The following OCA2 variants were observed in gnomAD, a reference collection of about 807,000 sequenced individuals.
OCA2 encodes OCA2 melanosomal transmembrane protein, also known as P protein.
OCA2 carries 77 observed loss-of-function variants against 100.2 expected under a neutral mutation model. The ratio of observed to expected loss-of-function variants is 0.77; its 90% confidence interval spans 0.64 to 0.93. OCA2 has a LOEUF of 0.93. OCA2 is among the 40% of genes least tolerant of loss of function. The probability of loss-of-function intolerance (pLI) is 0.00; values close to 1 mark genes in which losing one functional copy is unlikely to be tolerated. For synonymous variants in OCA2, 432 were observed against 439.2 expected, an observed-to-expected ratio of 0.98 and a Z score of 0.21; for missense variants, 1,062 against 1,089.1, an observed-to-expected ratio of 0.98 and a Z score of 0.35.
At chr15:27,932,678 G>A (rs371454575) in intron 18 of OCA2, among the ~76,000 whole-genome samples, 8 of 152,292 alleles carry the variant, frequency 5.3e-5, no homozygotes, top group African/African-American at 1.9e-4. Flanking sequence ...AGGTATTTTT[G>A]TTGTGGTGGT....
chr15:27,800,328 A>T (rs2033542168), intron 23 of OCA2, among the ~76,000 whole-genome samples: 1 of 152,198 alleles, frequency 6.6e-6, no homozygotes, highest in Admixed American at 6.5e-5. Context: ...AGTAAGCAGA[A>T]AAAAGAAAAT....
intron 6 of OCA2, among the ~76,000 whole-genome samples, chr15:28,019,813 G>A (rs2042533565): frequency 6.6e-6 from 1 of 152,158 alleles, no homozygotes; most frequent in African/African-American, 2.4e-5. Flanking sequence ...CTTGTGGGGG[G>A]CAGGGTCCAG....
intron 2 of OCA2, among the ~76,000 whole-genome samples, chr15:28,074,568 G>A (rs1047635545): frequency 1.3e-4 from 20 of 152,184 alleles, no homozygotes; most frequent in African/African-American, 4.8e-4. Flanking sequence ...CATCTAATCG[G>A]GAGGCTGAGG....
In OCA2 at chr15:27,944,788, G is replaced by C. The variant is rs994298529; in HGVS notation, c.1951+6996C>G. On this transcript the variant is annotated intron_variant, in intron 18 of 23. Transcript: ENST00000354638. ...GAAAAGCCCTAGCCTCCAAATCAGA[G>C]AGGCAGATTTCAGTAATAATACAAC... 2.0e-5 allele frequency among the ~76,000 whole-genome samples: 3 copies of C among 152,142 alleles called. No individual in the cohort carries two copies. The East Asian group carries it at 5.8e-4, about 29-fold the overall frequency.
intron 19 of OCA2, among the ~76,000 whole-genome samples, chr15:27,911,441 T>G (rs965902065): frequency 1.3e-5 from 2 of 151,788 alleles, no homozygotes; most frequent in African/African-American, 4.8e-5. Flanking sequence ...AAAGAGAAAA[T>G]AAAAGAGGTT....
intron 21 of OCA2, among the ~76,000 whole-genome samples, chr15:27,851,876 T>C (rs1301158458): frequency 6.6e-6 from 1 of 152,154 alleles, no homozygotes; most frequent in African/African-American, 2.4e-5. Flanking sequence ...CTCCTTCCTT[T>C]GACAGATGAG....
At chr15:27,730,319 C>A in the OCA2 span, among the ~76,000 whole-genome samples, 1 of 152,256 alleles carries the variant, frequency 6.6e-6, no homozygotes, top group South Asian at 2.1e-4. Flanking sequence ...CCGAGCTTCC[C>A]TGGCCTCTGC....
intron 21 of OCA2, among the ~76,000 whole-genome samples, chr15:27,851,798 C>A (rs1015643542): frequency 1.3e-5 from 2 of 152,122 alleles, no homozygotes; most frequent in African/African-American, 4.8e-5. Flanking sequence ...GCTCATAGAA[C>A]CCTGGAGTGC....
intron 2 of OCA2, among the ~76,000 whole-genome samples, chr15:28,061,793 T>C (rs1376220882): frequency 6.6e-6 from 1 of 152,254 alleles, no homozygotes; most frequent in Non-Finnish European, 1.5e-5. Flanking sequence ...AGACATCTAA[T>C]CTGACATTTC....
chr15:27,910,494 T>TA (rs1202825751), intron 19 of OCA2, among the ~76,000 whole-genome samples: 1 of 152,060 alleles, frequency 6.6e-6, no homozygotes, highest in Non-Finnish European at 1.5e-5. Context: ...TATATAGTTA[T>TA]AAAAAAGAAT....
intron 16 of OCA2, among the ~76,000 whole-genome samples, chr15:27,956,486 C>G (rs1216922654): frequency 6.6e-6 from 1 of 152,234 alleles, no homozygotes; most frequent in Non-Finnish European, 1.5e-5. Flanking sequence ...ACCAGAGGAG[C>G]TGATGGGAAC....
At chr15:28,082,028 A>G (rs1399863403) in intron 1 of OCA2, 133 bp from the exon 2 acceptor site, 11 of 736,206 alleles carry the variant, frequency 1.5e-5, no homozygotes, top group Middle Eastern at 3.7e-4. Flanking sequence ...TAACCACGCA[A>G]GAGCATTTCA....
intron 19 of OCA2, among the ~76,000 whole-genome samples, chr15:27,891,995 T>C (rs1329953552): frequency 2.0e-5 from 3 of 152,002 alleles, no homozygotes; most frequent in Admixed American, 6.6e-5. Context: ...TAATGATAAA[T>C]AGGTCAATCC....
At chr15:27,738,421 G>A in the OCA2 span, among the ~76,000 whole-genome samples, 2 of 152,148 alleles carry the variant, frequency 1.3e-5, no homozygotes, top group African/African-American at 4.8e-5. Context: ...AAAATCACAC[G>A]ATGCGCTTCC....
chr15:27,731,627 TTCATTCTTCACTC>T, the OCA2 span, among the ~76,000 whole-genome samples: 1 of 152,218 alleles, frequency 6.6e-6, no homozygotes, highest in African/African-American at 2.4e-5. Context: ...ACATTATACT[TTCATTCTTCACTC>T]TCTTGTACCT....
At chr15:27,980,281 C>A (rs2041115785) in intron 14 of OCA2, among the ~76,000 whole-genome samples, 1 of 151,966 alleles carries the variant, frequency 6.6e-6, no homozygotes, top group South Asian at 2.1e-4. Flanking sequence ...GCACCCAATA[C>A]CACGCCTGGC....
rs58169843 is a variant in OCA2, at chr15:27,774,239, C to T, written c.2433-18767G>A. Among the ~76,000 whole-genome samples the T allele has an allele frequency of 9.8e-3, 1,488 of 152,290 alleles. 20 individuals carry two copies. Among genetic ancestry groups the T allele is most frequent in the African/African-American group, 0.034 (1,406 of 41,566 alleles). ...CCCACTGTGGGGGGCCAGTGAAGGC[C>T]CCATCGAGTGCATTCCAGATGATGT... On this transcript the variant is annotated intron_variant, in intron 23 of 23. Transcript: ENST00000354638.
intron 2 of OCA2, among the ~76,000 whole-genome samples, chr15:28,042,463 CT>C (rs2043231855): frequency 8.3e-6 from 1 of 119,930 alleles, no homozygotes; most frequent in Admixed American, 9.2e-5. Flanking sequence ...CCTATCTCTA[CT>C]AAAAATACAA....
chr15:28,049,573 A>G (rs2043446549), intron 2 of OCA2, among the ~76,000 whole-genome samples: 1 of 152,228 alleles, frequency 6.6e-6, no homozygotes, highest in African/African-American at 2.4e-5. Context: ...ACCCATGTCT[A>G]TCAATAAAAG....
Sources: gnomAD v4.1 joint callset for allele counts (sites outside exome capture counted in the v4.1 genomes callset) on GRCh38, gnomAD v4.1.1 for gene constraint, MANE v1.5 for transcripts, NCBI Gene and HGNC (gene_info 2026-07-23, HGNC 2026-07-21) for gene names.